The following RAD54L2 variants were observed in gnomAD, a reference collection of about 807,000 sequenced individuals.
The protein encoded by RAD54L2 is helicase ARIP4.
Under a neutral mutation model 138.4 loss-of-function variants are expected in RAD54L2, and 27 were observed. The ratio of observed to expected loss-of-function variants is 0.20; its 90% CI spans 0.14 to 0.27. The LOEUF is 0.27. Among genes scored for constraint, RAD54L2 ranks in the 10% least tolerant of loss-of-function variants. The probability of loss-of-function intolerance (pLI) is 1.00; values close to 1 mark genes in which losing one functional copy is unlikely to be tolerated. For synonymous variants in RAD54L2, 644 were observed against 723.2 expected, an observed-to-expected ratio of 0.89 and a Z score of 1.76; for missense variants, 1,396 against 1,890.2, an observed-to-expected ratio of 0.74 and a Z score of 4.85.
At chr3:51,580,887 A>C (rs979289233) in intron 2 of RAD54L2, among the ~76,000 whole-genome samples, 1 of 152,218 alleles carries the variant, frequency 6.6e-6, no homozygotes, top group Non-Finnish European at 1.5e-5. Context: ...ATCCAAATGC[A>C]ATAATATTAG....
intron 3 of RAD54L2, among the ~76,000 whole-genome samples, chr3:51,610,663 AGAAT>A (rs1394569784): frequency 6.6e-6 from 1 of 151,894 alleles, no homozygotes; most frequent in Non-Finnish European, 1.5e-5. Flanking sequence ...AAAAACAGAA[AGAAT>A]GAATGAATCT....
At chr3:51,636,625 C>T (rs1024909178) in intron 10 of RAD54L2, among the ~76,000 whole-genome samples, 1 of 152,138 alleles carries the variant, frequency 6.6e-6, no homozygotes, top group Admixed American at 6.5e-5. Context: ...GTCAGTTATA[C>T]TTTTCACATA....
intron 3 of RAD54L2, among the ~76,000 whole-genome samples, chr3:51,618,798 T>C (rs1232812883): frequency 6.6e-6 from 1 of 152,092 alleles, no homozygotes; most frequent in Non-Finnish European, 1.5e-5. Context: ...ATGGCAGACT[T>C]TTTTCCATAG....
intron 2 of RAD54L2, among the ~76,000 whole-genome samples, chr3:51,586,884 C>T (rs1699722281): frequency 6.6e-6 from 1 of 151,822 alleles, no homozygotes; most frequent in African/African-American, 2.4e-5. Context: ...ACTCTTATCT[C>T]AAGGAGTCTA....
chr3:51,629,273 T>C, intron 4 of RAD54L2, 61 bp from the exon 5 acceptor site: 1 of 1,509,002 alleles, frequency 6.6e-7, no homozygotes, highest in Non-Finnish European at 9.0e-7. Context: ...CTCTTTAGCT[T>C]GCCATTACAT....
At chr3:51,545,864 A>T (rs1258103243) in intron 2 of RAD54L2, among the ~76,000 whole-genome samples, 1 of 148,670 alleles carries the variant, frequency 6.7e-6, no homozygotes, top group Non-Finnish European at 1.5e-5. Flanking sequence ...TTTATGGGTG[A>T]TTAGACTGCA....
intron 3 of RAD54L2, among the ~76,000 whole-genome samples, chr3:51,607,360 C>T (rs1700210428): frequency 6.6e-6 from 1 of 152,018 alleles, no homozygotes; most frequent in African/African-American, 2.4e-5. Flanking sequence ...ACATCTTGCA[C>T]CGCCCTTAAT....
chr3:51,562,754 C>A (rs1422688385), intron 2 of RAD54L2, among the ~76,000 whole-genome samples: 1 of 152,080 alleles, frequency 6.6e-6, no homozygotes, highest in Non-Finnish European at 1.5e-5. Flanking sequence ...CTCAGCGATC[C>A]TTCTGCCTTG....
chr3:51,611,561 C>CTTTT (rs558582178), intron 3 of RAD54L2: 2 of 143,348 alleles, frequency 1.4e-5, no homozygotes. Flanking sequence ...TTCTTTCTTT[C>CTTTT]TTTTTTTTTT....
intron 2 of RAD54L2, among the ~76,000 whole-genome samples, chr3:51,583,845 CTT>C (rs34632307): frequency 1.9e-4 from 27 of 139,316 alleles, no homozygotes; most frequent in Admixed American, 2.2e-4. Flanking sequence ...CTTTGAATGG[CTT>C]TTTTTTTTTT....
At position 51,633,940 on chromosome 3, in the gene RAD54L2, G is replaced by A; in HGVS notation, c.1047G>A (p.Met349Ile). Residue 349 changes from methionine (M) to isoleucine (I), a missense_variant, in exon 9 of 23, where the codon ATG becomes ATA. Coordinates refer to ENST00000684192, the MANE Select transcript of RAD54L2 (RefSeq NM_015106.4). ...AGAATTGGCTGGCAGAGTTCAACAT[G>A]TGGCTTCCACCTCCTGAAGCCCTCC... ...TLQNWLAEFN[M>I]WLPPPEALPA... 6.2e-7 allele frequency: 1 copy of A among 1,613,928 alleles called. No individual in the cohort carries two copies. The highest frequency in any genetic ancestry group is 1.3e-5 in the African/African-American group (1 of 75,030).
chr3:51,615,808 A>G (rs1700431408), intron 3 of RAD54L2, among the ~76,000 whole-genome samples: 1 of 152,114 alleles, frequency 6.6e-6, no homozygotes. Context: ...AAAACAATCA[A>G]GTTTTGGTTG....
intron 6 of RAD54L2, 58 bp from the exon 7 acceptor site, chr3:51,630,647 T>G (rs752803441): frequency 1.3e-5 from 18 of 1,356,852 alleles, no homozygotes; most frequent in Non-Finnish European, 1.9e-5. Flanking sequence ...TCTGACTGTG[T>G]GCAGTAAATT....
intron 3 of RAD54L2, among the ~76,000 whole-genome samples, chr3:51,616,011 C>A (rs1700434453): frequency 6.6e-6 from 1 of 151,996 alleles, no homozygotes; most frequent in African/African-American, 2.4e-5. Flanking sequence ...AAAATTGATG[C>A]ATAATATACA....
At chr3:51,613,335 C>T (rs755867353) in intron 3 of RAD54L2, among the ~76,000 whole-genome samples, 7 of 152,178 alleles carry the variant, frequency 4.6e-5, no homozygotes, top group African/African-American at 1.2e-4. Flanking sequence ...CTAGCTGAGA[C>T]GTTCCCACTT....
In RAD54L2 at chr3:51,643,911, G is replaced by A. The variant is rs755812907; in HGVS notation, c.2387G>A (p.Arg796Gln). 38 of 1,607,814 alleles carry A rather than the reference G, an allele frequency of 2.4e-5. No individual in the cohort carries two copies. The highest frequency in any genetic ancestry group is 3.0e-5 in the Non-Finnish European group (35 of 1,177,254). The change falls in exon 16 of 23, where the codon CGG (arginine) becomes CAG (glutamine). Residue 796 changes from arginine to glutamine, a missense_variant. By Grantham distance (43) the Arg-to-Gln change is conservative (BLOSUM62 1). Transcript: ENST00000684192. ...DGSTPAFERE[R>Q]LINQFNDPSN... Reference sequence around the variant, plus strand: ...AGCACCCCTGCCTTTGAGAGGGAGCGGCTTATTAATCAGTTCAATGATCCC... The same window carrying A: ...AGCACCCCTGCCTTTGAGAGGGAGCAGCTTATTAATCAGTTCAATGATCCC...
chr3:51,554,220 A>C (rs1481808158), intron 2 of RAD54L2, among the ~76,000 whole-genome samples: 1 of 152,158 alleles, frequency 6.6e-6, no homozygotes, highest in African/African-American at 2.4e-5. Flanking sequence ...TACAAAAATT[A>C]GCCGGGTGTG....
intron 2 of RAD54L2, among the ~76,000 whole-genome samples, chr3:51,585,457 C>T (rs1699689523): frequency 6.6e-6 from 1 of 152,156 alleles, no homozygotes; most frequent in African/African-American, 2.4e-5. Flanking sequence ...GCTTTGTGAA[C>T]AAAGGCTTTG....
At chr3:51,616,780 A>G (rs1200045757) in intron 3 of RAD54L2, among the ~76,000 whole-genome samples, 1 of 152,132 alleles carries the variant, frequency 6.6e-6, no homozygotes, top group Admixed American at 6.5e-5. Flanking sequence ...GTGAATGGGG[A>G]TCATGCCACT....
Sources: allele counts gnomAD v4.1 joint callset (sites outside exome capture counted in the v4.1 genomes callset), GRCh38; gene constraint gnomAD v4.1.1; transcripts MANE v1.5; gene names NCBI Gene and HGNC (gene_info 2026-07-23, HGNC 2026-07-21).